The following ADAM9 variants were observed in gnomAD, a reference collection of about 807,000 sequenced individuals.
The protein encoded by ADAM9 is disintegrin and metalloproteinase domain-containing protein 9.
In ADAM9, 54 loss-of-function variants were observed where a neutral mutation model predicts 108.1. The observed-to-expected ratio is 0.50, with a 90% CI of 0.40 to 0.63. The LOEUF (loss-of-function observed/expected upper bound fraction) is 0.63. Among genes scored for constraint, ADAM9 ranks in the 20% least tolerant of loss-of-function variants. ADAM9 has a pLI of 0.00. For missense variants in ADAM9, 830 were observed against 997.7 expected, an observed-to-expected ratio of 0.83 and a Z score of 2.26; for synonymous variants, 316 against 336.0, an observed-to-expected ratio of 0.94 and a Z score of 0.65.
At chr8:39,044,385 G>A (rs1837546341) in intron 12 of ADAM9, among the ~76,000 whole-genome samples, 1 of 152,140 alleles carries the variant, frequency 6.6e-6, no homozygotes, top group South Asian at 2.1e-4. Flanking sequence ...AAGATCAGGT[G>A]ATCTCATATG....
chr8:39,008,947 A>G (rs887349424), intron 2 of ADAM9, among the ~76,000 whole-genome samples: 1 of 152,226 alleles, frequency 6.6e-6, no homozygotes, highest in African/African-American at 2.4e-5. Context: ...TAACAATGAC[A>G]GGTAATAATG....
At chr8:39,099,045 T>C (rs1049482993) in intron 20 of ADAM9, among the ~76,000 whole-genome samples, 6 of 152,178 alleles carry the variant, frequency 3.9e-5, no homozygotes, top group Non-Finnish European at 7.4e-5. Context: ...AATTTCTCCA[T>C]GGAGACTATT....
intron 18 of ADAM9, among the ~76,000 whole-genome samples, chr8:39,088,117 G>T (rs911184604): frequency 2.0e-5 from 3 of 152,124 alleles, no homozygotes; most frequent in African/African-American, 7.2e-5. Flanking sequence ...CTGAGGAGGA[G>T]GAGGAAGAGG....
chr8:39,061,662 G>A (rs888222340), intron 14 of ADAM9, among the ~76,000 whole-genome samples: 1 of 152,136 alleles, frequency 6.6e-6, no homozygotes, highest in African/African-American at 2.4e-5. Context: ...TAAAGGTGCT[G>A]CCATCTGATG....
intron 18 of ADAM9, chr8:39,089,772 A>G (rs561088708): frequency 9.5e-6 from 4 of 419,450 alleles, no homozygotes; most frequent in South Asian, 2.2e-5. Flanking sequence ...CTTTTGTGTA[A>G]GAAAGTGTTG....
chr8:39,031,514 C>G (rs1029342300), intron 11 of ADAM9, among the ~76,000 whole-genome samples: 3 of 152,168 alleles, frequency 2.0e-5, no homozygotes, highest in African/African-American at 7.2e-5. Context: ...ATTTAAGGTC[C>G]TTTCTACCCT....
In ADAM9 at chr8:39,074,529, C is replaced by T. The variant is rs779991710; in HGVS notation, c.1698-2699C>T. ...CTTTACTCCTAAATTCCTCAGCATC[C>T]GTCTTCAACAAATAAGGCCATTCAC... On this transcript the variant is annotated intron_variant, in intron 15 of 21. Coordinates refer to ENST00000487273, the MANE Select transcript of ADAM9 (RefSeq NM_003816.3). Among the ~76,000 whole-genome samples, 11 of 151,780 alleles carry T rather than the reference C, an allele frequency of 7.2e-5. No homozygotes were observed. The East Asian group carries it at 7.7e-4, about 11-fold the overall frequency.
At chr8:39,035,548 G>A (rs1220161349) in intron 11 of ADAM9, among the ~76,000 whole-genome samples, 1 of 152,162 alleles carries the variant, frequency 6.6e-6, no homozygotes, top group Non-Finnish European at 1.5e-5. Context: ...ACCGGGTGCG[G>A]TGGCTCACGC....
At chr8:39,000,265 T>G (rs1187873554) in intron 1 of ADAM9, among the ~76,000 whole-genome samples, 2 of 152,298 alleles carry the variant, frequency 1.3e-5, no homozygotes, top group Non-Finnish European at 1.5e-5. Context: ...GCGCTGAGAC[T>G]ACAGGCATGA....
chr8:39,101,607 A>G (rs948989943), intron 20 of ADAM9, among the ~76,000 whole-genome samples: 1 of 152,180 alleles, frequency 6.6e-6, no homozygotes, highest in African/African-American at 2.4e-5. Flanking sequence ...TATATGTATG[A>G]GGCCTATATG....
chr8:39,103,865 T>G lies in ADAM9; in HGVS notation c.*165T>G, dbSNP rs113359099. The G allele has an allele frequency of 6.8e-6, 5 of 731,382 alleles. No individual in the cohort carries two copies. The highest frequency in any genetic ancestry group is 1.2e-5 in the Non-Finnish European group (5 of 412,386). The allele number at this position is 731,382 out of a possible 1,614,324, so 45.3% of individuals were successfully genotyped here. A position where few individuals can be genotyped will look rare whatever the true frequency, so the allele number is the denominator to read the frequency against. ...GAAAAACAGAAACTGAGTGTGAGAG[T>G]TGTGAAATACAAGGAAATGCAGTAA... On this transcript the variant is annotated 3_prime_UTR_variant, in exon 22 of 22. Coordinates refer to ENST00000487273, the MANE Select transcript of ADAM9 (RefSeq NM_003816.3).
At chr8:39,077,064 C>T (rs4075849) in intron 15 of ADAM9, among the ~76,000 whole-genome samples, 164 bp from the exon 16 acceptor site, 60,834 of 151,994 alleles carry the variant, frequency 0.4, 13,119 homozygotes, top group East Asian at 0.71. Flanking sequence ...CCTTTTCTGC[C>T]GTATTTAAAG....
intron 2 of ADAM9, among the ~76,000 whole-genome samples, chr8:39,009,610 TCTTCATTTAGTA>T (rs1315264280): frequency 2.0e-4 from 30 of 152,226 alleles, no homozygotes; most frequent in African/African-American, 7.2e-4. Context: ...TCTGATAGTA[TCTTCATTTAGTA>T]CTTCCCTCAT....
intron 14 of ADAM9, among the ~76,000 whole-genome samples, chr8:39,066,224 G>A (rs1398148868): frequency 6.6e-6 from 1 of 152,230 alleles, no homozygotes; most frequent in Non-Finnish European, 1.5e-5. Context: ...GTGTGCATAT[G>A]TCTTTATAGC....
intron 16 of ADAM9, among the ~76,000 whole-genome samples, chr8:39,080,591 A>G (rs1448526805): frequency 6.6e-6 from 1 of 152,202 alleles, no homozygotes; most frequent in Admixed American, 6.5e-5. Flanking sequence ...TTCACACGGC[A>G]GATAGGATCC....
At chr8:39,080,057 G>A (rs745671321) in intron 16 of ADAM9, among the ~76,000 whole-genome samples, 24 of 151,804 alleles carry the variant, frequency 1.6e-4, no homozygotes, top group Non-Finnish European at 2.9e-4. Flanking sequence ...ATATTTTCTT[G>A]ATATTTTCTA....
At chr8:39,042,762 T>C (rs1370735542) in intron 12 of ADAM9, among the ~76,000 whole-genome samples, 1 of 152,212 alleles carries the variant, frequency 6.6e-6, no homozygotes, top group African/African-American at 2.4e-5. Context: ...TTTAATGTGG[T>C]AAGAATACTT....
intron 2 of ADAM9, among the ~76,000 whole-genome samples, chr8:39,009,819 A>T (rs1836285543): frequency 6.8e-6 from 1 of 147,698 alleles, no homozygotes; most frequent in Non-Finnish European, 1.5e-5. Flanking sequence ...GGGATACGGC[A>T]GTGAACAAAA....
rs193170725 is a variant in ADAM9 at position 39,014,889 on chromosome 8, C to T, written c.333+846C>T. 1.2e-5 allele frequency: 3 copies of T among 247,254 alleles called. No individual in the cohort carries two copies. In the East Asian group the frequency reaches 2.8e-4, roughly 23 times the overall value. 15.3% of individuals were successfully genotyped at this position (247,254 alleles called of 1,614,324 possible). The stretch of plus-strand genomic sequence containing the variant: ...GCTGACTTAGGCCTATCTTCTGGTC[C>T]ACTATCTGATTTCTTTATCTTAGTG... On this transcript the variant is annotated intron_variant, in intron 4 of 21. Coordinates refer to ENST00000487273, the MANE Select transcript of ADAM9 (RefSeq NM_003816.3).
Sources: gnomAD v4.1 joint callset for allele counts (sites outside exome capture counted in the v4.1 genomes callset) on GRCh38, gnomAD v4.1.1 for gene constraint, MANE v1.5 for transcripts, NCBI Gene and HGNC (gene_info 2026-07-23, HGNC 2026-07-21) for gene names.